The following PTPRT variants were observed in gnomAD, a reference collection of about 807,000 sequenced individuals.
The protein encoded by PTPRT is protein tyrosine phosphatase receptor type T, also known as receptor-type tyrosine-protein phosphatase T.
In PTPRT, 56 loss-of-function variants were observed where a neutral mutation model predicts 176.8. That is an observed-to-expected ratio of 0.32 (90% confidence interval 0.26 to 0.40). The LOEUF is 0.40. Among genes scored for constraint, PTPRT ranks in the 10% least tolerant of loss-of-function variants. PTPRT has a pLI of 1.00. For synonymous variants in PTPRT, 783 were observed against 739.0 expected, an observed-to-expected ratio of 1.06 and a Z score of -0.96; for missense variants, 1,540 against 1,908.2, an observed-to-expected ratio of 0.81 and a Z score of 3.60.
At chr20:42,317,700 G>A (rs1346652656) in intron 11 of PTPRT, among the ~76,000 whole-genome samples, 1 of 152,174 alleles carries the variant, frequency 6.6e-6, no homozygotes, top group Non-Finnish European at 1.5e-5. Context: ...AGGAAAAAAG[G>A]CTATGGAGAA....
rs559549328 is a variant in PTPRT at position 42,247,928 on chromosome 20, T to G, written c.2312+759A>C. ...GTATTTTCTTCCCTCTGTAATTTCC[T>G]TGTGTTATCCTCAAGCCTTGTGAAT... On this transcript the variant is annotated intron_variant, in intron 14 of 30. Transcript: ENST00000373187. 3.9e-5 allele frequency among the ~76,000 whole-genome samples: 6 copies of G among 152,320 alleles called. No individual in the cohort carries two copies. In the South Asian group the frequency reaches 8.3e-4, roughly 21 times the overall value.
chr20:42,263,717 G>A (rs2056794009), intron 13 of PTPRT, among the ~76,000 whole-genome samples: 1 of 149,780 alleles, frequency 6.7e-6, no homozygotes. Flanking sequence ...TAGAGACATG[G>A]TCTCACTATA....
At chr20:42,775,312 C>T (rs2077119896) in intron 4 of PTPRT, among the ~76,000 whole-genome samples, 2 of 152,300 alleles carry the variant, frequency 1.3e-5, no homozygotes, top group South Asian at 2.1e-4. Context: ...GGAAGCCACA[C>T]AATTGTGGAG....
Position 42,678,352 on chromosome 20 carries a change from G to C in PTPRT, c.860-193C>G, listed in dbSNP as rs144040683. 8.6e-3 allele frequency among the ~76,000 whole-genome samples: 1,306 copies of C among 152,198 alleles called. 20 individuals carry two copies. The highest frequency in any genetic ancestry group is 0.03 in the African/African-American group (1,245 of 41,532). The stretch of plus-strand genomic sequence containing the variant: ...GTCTTGCTCTGTCATTCAGGCTGGA[G>C]TGCAGTGGGGCCATTTCGGCTCACT... On this transcript the variant is annotated intron_variant, in intron 6 of 30. Transcript: ENST00000373187.
chr20:42,844,722 G>A (rs1296942512), intron 2 of PTPRT, among the ~76,000 whole-genome samples: 1 of 152,088 alleles, frequency 6.6e-6, no homozygotes, highest in African/African-American at 2.4e-5. Flanking sequence ...AAGTCCTTGG[G>A]TACCTTCAAC....
intron 1 of PTPRT, 63 bp from the exon 2 acceptor site, chr20:42,885,995 G>C: frequency 7.1e-7 from 1 of 1,413,528 alleles, no homozygotes; most frequent in South Asian, 1.5e-5. Flanking sequence ...CGTTACCTCT[G>C]TCTCGTCGGC....
At position 43,016,077 on chromosome 20, in the gene PTPRT, G is replaced by A. The variant is rs117404775; in HGVS notation, c.89-130145C>T. On this transcript the variant is annotated intron_variant, in intron 1 of 30. Coordinates refer to ENST00000373187, the MANE Select transcript of PTPRT (RefSeq NM_007050.6). Reference sequence around the variant, plus strand: ...TCCTGTTCTCTCCTGAGGATTATCTGACCTGAGAGCCCCCTGCCCCCTTCA... The same window carrying A: ...TCCTGTTCTCTCCTGAGGATTATCTAACCTGAGAGCCCCCTGCCCCCTTCA... Among the ~76,000 whole-genome samples, 739 of 152,126 alleles carry A rather than the reference G, an allele frequency of 4.9e-3. 2 individuals are homozygous for A. Among genetic ancestry groups the A allele is most frequent in the Middle Eastern group, 0.01 (3 of 294 alleles).
intron 2 of PTPRT, among the ~76,000 whole-genome samples, chr20:42,796,207 A>G (rs770061078): frequency 6.6e-6 from 1 of 152,224 alleles, no homozygotes; most frequent in Admixed American, 6.5e-5. Flanking sequence ...ATAACGCCAT[A>G]TGCCTATTTA....
intron 17 of PTPRT, among the ~76,000 whole-genome samples, chr20:42,143,208 T>C (rs1222860213): frequency 2.0e-5 from 3 of 152,188 alleles, no homozygotes; most frequent in Non-Finnish European, 1.5e-5. Flanking sequence ...CTGGCTCATG[T>C]ATGGAACACA....
intron 2 of PTPRT, among the ~76,000 whole-genome samples, chr20:42,833,205 A>C (rs1432411133): frequency 6.6e-6 from 1 of 151,866 alleles, no homozygotes; most frequent in Non-Finnish European, 1.5e-5. Context: ...GTAACCAAAT[A>C]GTCATGCAGT....
intron 7 of PTPRT, among the ~76,000 whole-genome samples, chr20:42,542,713 A>G (rs149440756): frequency 6.6e-6 from 1 of 152,344 alleles, no homozygotes; most frequent in East Asian, 1.9e-4. Context: ...TAATGTTTAT[A>G]AGAACAAATG....
chr20:42,357,459 G>A (rs948406415), intron 9 of PTPRT, among the ~76,000 whole-genome samples: 1 of 152,124 alleles, frequency 6.6e-6, no homozygotes, highest in Admixed American at 6.5e-5. Flanking sequence ...TAGCTTGAGG[G>A]ATTGCTTAAC....
At chr20:43,019,403 G>C (rs1024911762) in intron 1 of PTPRT, among the ~76,000 whole-genome samples, 1 of 151,934 alleles carries the variant, frequency 6.6e-6, no homozygotes, top group African/African-American at 2.4e-5. Context: ...GGCAGATCAC[G>C]AGGTCAGGAG....
intron 2 of PTPRT, among the ~76,000 whole-genome samples, chr20:42,837,191 C>T (rs775472367): frequency 2.0e-5 from 3 of 152,218 alleles, no homozygotes; most frequent in Admixed American, 2.0e-4. Flanking sequence ...CAGTTCTTTC[C>T]TCATGCCAGC....
chr20:42,634,014 ATATATATAATATATATAT>A (rs1213657797), intron 7 of PTPRT, among the ~76,000 whole-genome samples: 37 of 28,514 alleles, frequency 1.3e-3, no homozygotes, highest in Non-Finnish European at 1.6e-3. Flanking sequence ...TATATATAAT[ATATATATAATATATATAT>A]TATATATATT....
intron 9 of PTPRT, among the ~76,000 whole-genome samples, chr20:42,389,886 G>A (rs1198213520): frequency 6.6e-6 from 1 of 150,588 alleles, no homozygotes; most frequent in African/African-American, 2.4e-5. Context: ...AAGCCTTGAG[G>A]CTGCCAGTTT....
intron 9 of PTPRT, among the ~76,000 whole-genome samples, chr20:42,447,646 G>C (rs1469784261): frequency 6.6e-6 from 1 of 152,166 alleles, no homozygotes; most frequent in African/African-American, 2.4e-5. Context: ...GTGTTGGCTT[G>C]ATGGGTACAT....
At chr20:42,220,424 C>T (rs539041862) in intron 15 of PTPRT, among the ~76,000 whole-genome samples, 1 of 152,106 alleles carries the variant, frequency 6.6e-6, no homozygotes, top group Non-Finnish European at 1.5e-5. Flanking sequence ...CAAAAAAGAA[C>T]AGGGAGGCAG....
At chr20:42,610,189 GA>G (rs776411097) in intron 7 of PTPRT, among the ~76,000 whole-genome samples, 37 of 152,104 alleles carry the variant, frequency 2.4e-4, no homozygotes, top group East Asian at 1.5e-3. Flanking sequence ...GAAATGGGGG[GA>G]AAAAAACCTG....
Sources: allele counts gnomAD v4.1 joint callset (sites outside exome capture counted in the v4.1 genomes callset), GRCh38; gene constraint gnomAD v4.1.1; transcripts MANE v1.5; gene names NCBI Gene and HGNC (gene_info 2026-07-23, HGNC 2026-07-21).